COL21A1: variants seen among roughly 807,000 people sequenced by gnomAD.
The protein encoded by COL21A1 is collagen alpha-1(XXI) chain.
COL21A1 carries 149 observed loss-of-function variants against 137.9 expected under a neutral mutation model. The observed-to-expected ratio is 1.08, with a 90% CI of 0.95 to 1.24. The LOEUF (loss-of-function observed/expected upper bound fraction) is 1.24, where lower values mean the gene tolerates loss of function less well. Among genes scored for constraint, COL21A1 ranks in the 50% most tolerant of loss-of-function variants. The probability of loss-of-function intolerance (pLI) is 0.00; values close to 1 mark genes in which losing one functional copy is unlikely to be tolerated. For missense variants in COL21A1, 1,167 were observed against 1,158.4 expected (o/e 1.01, Z -0.11); for synonymous variants, 456 against 391.5 (o/e 1.16, Z -1.95).
intron 1 of COL21A1, among the ~76,000 whole-genome samples, chr6:56,321,224 T>A (rs1256468461): frequency 2.0e-5 from 3 of 152,156 alleles, no homozygotes; most frequent in Non-Finnish European, 4.4e-5. Context: ...TAGACCATGT[T>A]TTCAAGAATT....
chr6:56,227,101 G>C (rs760261395), intron 1 of COL21A1, among the ~76,000 whole-genome samples: 9 of 151,944 alleles, frequency 5.9e-5, no homozygotes, highest in Non-Finnish European at 7.4e-5. Context: ...CTGCAATGCT[G>C]GTTTTGTGAC....
At chr6:56,062,370 AT>A (rs1263246477) in intron 24 of COL21A1, among the ~76,000 whole-genome samples, 1 of 152,088 alleles carries the variant, frequency 6.6e-6, no homozygotes, top group East Asian at 1.9e-4. Context: ...TCTTTTCCAT[AT>A]TTATTTCAGT....
At chr6:56,149,629 C>T (rs3846919) in intron 10 of COL21A1, among the ~76,000 whole-genome samples, 72,168 of 151,946 alleles carry the variant, frequency 0.47, 17,858 homozygotes, top group East Asian at 0.73. Context: ...TTTCCTCACC[C>T]AGTTCTATCT....
At chr6:56,360,701 G>A (rs1765946143) in intron 1 of COL21A1, among the ~76,000 whole-genome samples, 1 of 152,158 alleles carries the variant, frequency 6.6e-6, no homozygotes, top group South Asian at 2.1e-4. Flanking sequence ...ACAGAAATAT[G>A]ATTCTATAAG....
chr6:56,217,626 T>C (rs549960491), intron 1 of COL21A1, among the ~76,000 whole-genome samples: 1 of 152,062 alleles, frequency 6.6e-6, no homozygotes, highest in South Asian at 2.1e-4. Context: ...CAGACCAATA[T>C]CAGAACTTCA....
intron 1 of COL21A1, among the ~76,000 whole-genome samples, chr6:56,317,306 A>G (rs1156439485): frequency 6.6e-6 from 1 of 152,180 alleles, no homozygotes; most frequent in African/African-American, 2.4e-5. Context: ...CACTTACTAC[A>G]TGCCTGGCAC....
At position 56,094,734 on chromosome 6, in the gene COL21A1, G is replaced by A. The variant is rs559292241; in HGVS notation, c.1812+6738C>T. ...CAAAGTATTGGTTTATGCAAGAGTG[G>A]GGACTGGCTAGGCAAATACCAATCC... On this transcript the variant is annotated intron_variant, in intron 17 of 29. Transcript: ENST00000244728. Among the ~76,000 whole-genome samples the A allele has an allele frequency of 7.2e-5, 11 of 152,292 alleles. No individual in the cohort carries two copies. The East Asian group carries it at 1.9e-3, about 27-fold the overall frequency.
At chr6:56,236,819 C>G (rs1207338510) in intron 1 of COL21A1, among the ~76,000 whole-genome samples, 1 of 151,980 alleles carries the variant, frequency 6.6e-6, no homozygotes, top group Non-Finnish European at 1.5e-5. Flanking sequence ...ACTCATTGCT[C>G]CTCTTGTTCT....
chr6:56,106,016 G>A (rs746915873), intron 16 of COL21A1, among the ~76,000 whole-genome samples: 21 of 152,136 alleles, frequency 1.4e-4, no homozygotes, highest in Non-Finnish European at 2.9e-4. Flanking sequence ...TACGTTCAAA[G>A]TATGGCTACG....
chr6:56,196,868 T>C (rs1288006460), intron 1 of COL21A1, among the ~76,000 whole-genome samples: 1 of 151,840 alleles, frequency 6.6e-6, no homozygotes, highest in African/African-American at 2.4e-5. Flanking sequence ...TTTACAAAAA[T>C]AGAAAAATTA....
chr6:56,355,143 T>C (rs903445818), intron 1 of COL21A1, among the ~76,000 whole-genome samples: 1 of 151,494 alleles, frequency 6.6e-6, no homozygotes, highest in African/African-American at 2.4e-5. Context: ...TAATGAAGTA[T>C]AGGTAAATGG....
intron 1 of COL21A1, among the ~76,000 whole-genome samples, chr6:56,255,467 T>C (rs1343395359): frequency 1.3e-5 from 2 of 152,108 alleles, no homozygotes; most frequent in African/African-American, 2.4e-5. Flanking sequence ...TTTTATCAGA[T>C]GCTATCTCTA....
At chr6:56,181,868 C>T (rs1427857836) in intron 2 of COL21A1, among the ~76,000 whole-genome samples, 1 of 152,124 alleles carries the variant, frequency 6.6e-6, no homozygotes. Flanking sequence ...CCACATTATA[C>T]AGTGATTGCA....
At chr6:56,116,220 A>G (rs1025828828) in intron 16 of COL21A1, among the ~76,000 whole-genome samples, 20 of 151,994 alleles carry the variant, frequency 1.3e-4, no homozygotes, top group Non-Finnish European at 2.9e-5. Context: ...AAGACATTTA[A>G]TAATCAAACT....
chr6:56,284,197 G>A (rs1056608066), intron 1 of COL21A1, among the ~76,000 whole-genome samples: 5 of 151,032 alleles, frequency 3.3e-5, no homozygotes, highest in African/African-American at 7.3e-5. Context: ...ACAGGCACAC[G>A]CCACCACACC....
chr6:56,361,411 A>G (rs753588657), intron 1 of COL21A1, among the ~76,000 whole-genome samples: 55 of 152,214 alleles, frequency 3.6e-4, no homozygotes, highest in Non-Finnish European at 8.8e-5. Context: ...TATAAACATT[A>G]TTGGAAAACA....
At chr6:56,141,885 C>A in intron 11 of COL21A1, 45 bp downstream of exon 11, 6 of 1,597,530 alleles carry the variant, frequency 3.8e-6, no homozygotes, top group Non-Finnish European at 5.1e-6. Flanking sequence ...GGTTTTAGTT[C>A]ACTAAAAATA....
intron 1 of COL21A1, among the ~76,000 whole-genome samples, chr6:56,334,816 T>A (rs531674578): frequency 6.6e-6 from 1 of 152,182 alleles, no homozygotes; most frequent in African/African-American, 2.4e-5. Context: ...AATGGGTTAG[T>A]TATCACGGGA....
At chr6:56,313,250 C>A (rs1323187533) in intron 1 of COL21A1, among the ~76,000 whole-genome samples, 1 of 151,632 alleles carries the variant, frequency 6.6e-6, no homozygotes, top group African/African-American at 2.4e-5. Flanking sequence ...TGAGGGTTAC[C>A]CAAAAAAAGA....
Sources: gnomAD v4.1 joint callset for allele counts (sites outside exome capture counted in the v4.1 genomes callset) on GRCh38, gnomAD v4.1.1 for gene constraint, MANE v1.5 for transcripts, NCBI Gene and HGNC (gene_info 2026-07-23, HGNC 2026-07-21) for gene names.